The following CHN1 variants were observed in gnomAD, a reference collection of about 807,000 sequenced individuals.
The protein encoded by CHN1 is N-chimaerin.
A neutral mutation model predicts 59.5 loss-of-function variants in CHN1; 37 were observed. The ratio of observed to expected loss-of-function variants is 0.62; its 90% CI spans 0.48 to 0.82. The LOEUF (loss-of-function observed/expected upper bound fraction) is 0.82. Ranked by LOEUF, CHN1 falls within the 40% of genes least tolerant of loss-of-function variation. The pLI, the probability that CHN1 is intolerant of heterozygous loss-of-function variation, is 0.00. For missense variants in CHN1, 469 were observed against 571.0 expected (o/e 0.82, Z 1.82); for synonymous variants, 206 against 200.4 (o/e 1.03, Z -0.24).
At chr2:174,961,068 C>T (rs1690383355) in intron 1 of CHN1, among the ~76,000 whole-genome samples, 1 of 140,140 alleles carries the variant, frequency 7.1e-6, no homozygotes, top group Admixed American at 7.8e-5. Context: ...GTGGAGGCTG[C>T]AGTAAGCTGT....
chr2:174,912,692 T>C (rs1688736652), intron 5 of CHN1, among the ~76,000 whole-genome samples: 1 of 152,192 alleles, frequency 6.6e-6, no homozygotes, highest in Non-Finnish European at 1.5e-5. Flanking sequence ...ATAATACATA[T>C]ATCGGTGCAA....
At chr2:174,998,811 A>C (rs1449856271) in intron 1 of CHN1, among the ~76,000 whole-genome samples, 5 of 152,224 alleles carry the variant, frequency 3.3e-5, no homozygotes, top group Non-Finnish European at 7.3e-5. Flanking sequence ...AAATCTAAAA[A>C]TGTAAAAAGC....
At chr2:174,828,816 G>GATCA (rs1272204673) in intron 7 of CHN1, among the ~76,000 whole-genome samples, 2 of 152,188 alleles carry the variant, frequency 1.3e-5, no homozygotes, top group Admixed American at 1.3e-4. Flanking sequence ...TGAAGCTCTA[G>GATCA]ATCACAACAG....
intron 1 of CHN1, among the ~76,000 whole-genome samples, chr2:174,972,230 G>A (rs1424459130): frequency 2.0e-5 from 3 of 152,020 alleles, no homozygotes; most frequent in South Asian, 2.1e-4. Context: ...TCTGGTTCCC[G>A]TGTCCAAAAA....
chr2:174,955,717 A>G (rs781719426), intron 1 of CHN1, among the ~76,000 whole-genome samples: 7 of 152,224 alleles, frequency 4.6e-5, no homozygotes, highest in Non-Finnish European at 8.8e-5. Context: ...AACAGCCATA[A>G]AAAAGAATGA....
chr2:174,990,771 T>C (rs1264049441), intron 1 of CHN1, among the ~76,000 whole-genome samples: 1 of 152,188 alleles, frequency 6.6e-6, no homozygotes, highest in Non-Finnish European at 1.5e-5. Context: ...AACATTATGA[T>C]AAAAGAAACA....
chr2:174,801,577 A>G, intron 12 of CHN1, 130 bp downstream of exon 12: 2 of 631,348 alleles, frequency 3.2e-6, no homozygotes, highest in Non-Finnish European at 5.5e-6. Flanking sequence ...GCAATTTCAC[A>G]AAAGACAATA....
chr2:174,888,447 G>A (rs1345746201), intron 5 of CHN1, among the ~76,000 whole-genome samples: 3 of 152,174 alleles, frequency 2.0e-5, no homozygotes, highest in Admixed American at 6.5e-5. Flanking sequence ...AGCATTCATA[G>A]ATCTGTTCTA....
chr2:174,808,774 A>G, intron 11 of CHN1, 131 bp downstream of exon 11: 1 of 918,246 alleles, frequency 1.1e-6, no homozygotes, highest in Non-Finnish European at 1.7e-6. Context: ...AATTCTTGTA[A>G]GTACATTAAC....
intron 2 of CHN1, among the ~76,000 whole-genome samples, chr2:174,946,259 C>A (rs1440496459): frequency 6.6e-6 from 1 of 152,114 alleles, no homozygotes; most frequent in African/African-American, 2.4e-5. Flanking sequence ...ATGAAGACTA[C>A]TTATTATTAT....
intron 6 of CHN1, among the ~76,000 whole-genome samples, chr2:174,867,546 A>C (rs949403591): frequency 1.3e-5 from 2 of 152,202 alleles, no homozygotes; most frequent in Non-Finnish European, 2.9e-5. Context: ...ATAATATTTA[A>C]GTTTCTTTTT....
intron 6 of CHN1, among the ~76,000 whole-genome samples, chr2:174,873,094 T>C (rs1687461199): frequency 6.6e-6 from 1 of 152,144 alleles, no homozygotes; most frequent in Non-Finnish European, 1.5e-5. Flanking sequence ...TGAGAAGTTC[T>C]GTGCAGAAAT....
chr2:174,982,057 T>C (rs556545077), intron 1 of CHN1, among the ~76,000 whole-genome samples: 69 of 152,296 alleles, frequency 4.5e-4, no homozygotes, highest in African/African-American at 1.6e-3. Context: ...TTTGGTTTTT[T>C]TGTCCTTGCG....
intron 1 of CHN1, among the ~76,000 whole-genome samples, chr2:175,000,744 TTTATTA>T (rs372337918): frequency 5.3e-5 from 8 of 151,980 alleles, no homozygotes; most frequent in Non-Finnish European, 1.0e-4. Context: ...GCACCCAGGC[TTTATTA>T]TTATTATTAT....
chr2:174,859,400 C>A (rs1393849573), intron 6 of CHN1, among the ~76,000 whole-genome samples: 1 of 152,110 alleles, frequency 6.6e-6, no homozygotes, highest in Non-Finnish European at 1.5e-5. Context: ...CTCTTCCAGG[C>A]CTAGGCCTGA....
chr2:174,975,952 T>A (rs1008632882), intron 1 of CHN1, among the ~76,000 whole-genome samples: 3 of 137,190 alleles, frequency 2.2e-5, no homozygotes, highest in African/African-American at 8.3e-5. Context: ...AAACCCCGTC[T>A]CTGCTAAAAT....
intron 1 of CHN1, among the ~76,000 whole-genome samples, chr2:174,981,593 CAAT>C (rs1217447486): frequency 6.6e-6 from 1 of 152,134 alleles, no homozygotes; most frequent in East Asian, 1.9e-4. Flanking sequence ...TATCACAAAG[CAAT>C]AAAATAAATT....
At chr2:175,000,504 C>T (rs1474466161) in intron 1 of CHN1, among the ~76,000 whole-genome samples, 1 of 151,538 alleles carries the variant, frequency 6.6e-6, no homozygotes, top group East Asian at 1.9e-4. Context: ...AGTGCAGTGA[C>T]ACAATCTCAG....
chr2:174,877,776 A>C, intron 6 of CHN1, 64 bp downstream of exon 6: 1 of 1,466,234 alleles, frequency 6.8e-7, no homozygotes, highest in South Asian at 1.3e-5. Flanking sequence ...TCTTCTGGCA[A>C]TAATGGCTTT....
Sources: gnomAD v4.1 joint callset for allele counts (sites outside exome capture counted in the v4.1 genomes callset) on GRCh38, gnomAD v4.1.1 for gene constraint, MANE v1.5 for transcripts, NCBI Gene and HGNC (gene_info 2026-07-23, HGNC 2026-07-21) for gene names.